The following LPP variants were observed in gnomAD, a reference collection of about 807,000 sequenced individuals.
LPP encodes the protein LIM domain containing preferred translocation partner in lipoma, also known as lipoma-preferred partner.
A neutral mutation model predicts 60.4 loss-of-function variants in LPP; 38 were observed. The observed-to-expected ratio is 0.63, with a 90% CI of 0.49 to 0.83. The LOEUF is 0.83. LPP is among the 40% of genes least tolerant of loss of function. The pLI, the probability that LPP is intolerant of heterozygous loss-of-function variation, is 0.00. For synonymous variants in LPP, 328 were observed against 290.8 expected (o/e 1.13, Z -1.30); for missense variants, 902 against 783.6 (o/e 1.15, Z -1.80).
At chr3:188,184,824 G>A (rs1726105791) in intron 1 of LPP, among the ~76,000 whole-genome samples, 2 of 152,046 alleles carry the variant, frequency 1.3e-5, no homozygotes, top group South Asian at 4.1e-4. Context: ...TAGCCTGAAG[G>A]AGATGTAGGT....
At chr3:188,722,982 T>A (rs1191985245) in intron 8 of LPP, among the ~76,000 whole-genome samples, 1 of 152,186 alleles carries the variant, frequency 6.6e-6, no homozygotes, top group African/African-American at 2.4e-5. Flanking sequence ...GATGTTCTGT[T>A]GTAATTGGAA....
chr3:188,473,102 T>A (rs1050135774), intron 4 of LPP, among the ~76,000 whole-genome samples: 2 of 152,192 alleles, frequency 1.3e-5, no homozygotes, highest in African/African-American at 4.8e-5. Context: ...AATGACTTAC[T>A]TTTTCCTTAA....
rs570848700 is a variant in LPP at position 188,528,941 on chromosome 3, T to A, written c.429+4154T>A. ...AAAACATTCAGAAGGTCAAAAAAAA[T>A]TAATTGTAATAGCCATTAAGTAGAA... On this transcript the variant is annotated intron_variant, in intron 6 of 11. Coordinates refer to ENST00000617246, the MANE Select transcript of LPP (RefSeq NM_001375462.1). Among the ~76,000 whole-genome samples the A allele has an allele frequency of 4.8e-4, 73 of 152,332 alleles. 1 individual carries two copies. Among genetic ancestry groups the A allele is most frequent in the Middle Eastern group, 3.4e-3 (1 of 294 alleles).
chr3:188,300,143 T>A lies in LPP; in HGVS notation c.-66-41520T>A, dbSNP rs1010570303. ...AGTCCATCATCCAGGGACATCATTGTTCTAATTTAAACATTTGGGTAATCT... is the reference window on the plus strand; with the variant it reads ...AGTCCATCATCCAGGGACATCATTGATCTAATTTAAACATTTGGGTAATCT... On this transcript the variant is annotated intron_variant, in intron 2 of 11. Transcript: ENST00000617246. 4.6e-5 allele frequency among the ~76,000 whole-genome samples: 7 copies of A among 152,204 alleles called. No homozygotes were observed. In the South Asian group the frequency reaches 1.4e-3, roughly 31 times the overall value.
At chr3:188,245,522 C>T (rs1726606958) in intron 2 of LPP, among the ~76,000 whole-genome samples, 1 of 152,166 alleles carries the variant, frequency 6.6e-6, no homozygotes, top group South Asian at 2.1e-4. Flanking sequence ...TTCATTCCAC[C>T]ACCTTTGCCT....
intron 8 of LPP, among the ~76,000 whole-genome samples, chr3:188,728,306 ACAAT>A (rs1719167291): frequency 6.6e-6 from 1 of 152,226 alleles, no homozygotes; most frequent in African/African-American, 2.4e-5. Flanking sequence ...ATGAAGAGTG[ACAAT>A]CACTTTCTAA....
intron 7 of LPP, among the ~76,000 whole-genome samples, chr3:188,699,348 C>G (rs1863914702): frequency 6.6e-6 from 1 of 152,158 alleles, no homozygotes; most frequent in Non-Finnish European, 1.5e-5. Flanking sequence ...ACTGGATGCC[C>G]AGGCCTTTTC....
At chr3:188,616,263 T>G (rs768304233) in intron 7 of LPP, among the ~76,000 whole-genome samples, 9 of 152,204 alleles carry the variant, frequency 5.9e-5, no homozygotes, top group Non-Finnish European at 8.8e-5. Context: ...AATTTTTGTA[T>G]AAGGTGTAAG....
intron 3 of LPP, among the ~76,000 whole-genome samples, chr3:188,401,238 G>T (rs952483876): frequency 6.6e-6 from 1 of 152,100 alleles, no homozygotes; most frequent in African/African-American, 2.4e-5. Context: ...AAAAGCTCTA[G>T]CTTCTTATCT....
At chr3:188,824,284 C>G (rs537953454) in intron 9 of LPP, among the ~76,000 whole-genome samples, 3 of 152,162 alleles carry the variant, frequency 2.0e-5, no homozygotes, top group Non-Finnish European at 4.4e-5. Flanking sequence ...AGAATGAAGA[C>G]ATGAGTATTG....
Position 188,352,048 on chromosome 3 carries a change from C to A in LPP, c.-10+10329C>A, listed in dbSNP as rs527345545. Reference sequence around the variant, plus strand: ...TCGACCTCAACGTGTATTATTTCCTCCCCCCTTGTCATTTTTCTTCTATTA... The same window carrying A: ...TCGACCTCAACGTGTATTATTTCCTACCCCCTTGTCATTTTTCTTCTATTA... On this transcript the variant is annotated intron_variant, in intron 3 of 11. Coordinates refer to ENST00000617246, the MANE Select transcript of LPP (RefSeq NM_001375462.1). This position sits in a 1 kb window ranked among gnomAD's most constrained non-coding sequence, Gnocchi z 4.4. Among the ~76,000 whole-genome samples the A allele has an allele frequency of 3.3e-5, 5 of 152,248 alleles. No individual in the cohort carries two copies. Among genetic ancestry groups the A allele is most frequent in the East Asian group, 1.9e-4 (1 of 5,180 alleles).
chr3:188,374,521 G>C (rs1314355954), intron 3 of LPP, among the ~76,000 whole-genome samples: 1 of 152,104 alleles, frequency 6.6e-6, no homozygotes. Context: ...TCTGTTATTG[G>C]TGTATAAGAA....
chr3:188,338,211 T>C (rs191011558), intron 2 of LPP, among the ~76,000 whole-genome samples: 12 of 152,336 alleles, frequency 7.9e-5, no homozygotes, highest in African/African-American at 2.9e-4. Flanking sequence ...ATTACTTTAA[T>C]GAGACAACCA....
At chr3:188,307,595 G>A (rs1045046686) in intron 2 of LPP, among the ~76,000 whole-genome samples, 6 of 152,108 alleles carry the variant, frequency 3.9e-5, no homozygotes, top group African/African-American at 1.4e-4. Context: ...TGTAAGCTCC[G>A]TGAGCGCCAG....
chr3:188,866,184 C>T lies in LPP; in HGVS notation c.1411-16C>T. 2 of 1,449,786 alleles carry T rather than the reference C, an allele frequency of 1.4e-6. No individual in the cohort carries two copies. Among genetic ancestry groups the T allele is most frequent in the Non-Finnish European group, 9.2e-7 (1 of 1,090,954 alleles). The allele number at this position is 1,449,786 out of a possible 1,614,324, so 89.8% of individuals were successfully genotyped here. A position where few individuals can be genotyped will look rare whatever the true frequency, so the allele number is the denominator to read the frequency against. Reference sequence around the variant, plus strand: ...CTTCTGTCCCAGTCTGACGTGGTTTCTGTTTCCTTCCCCAGAATACTCTGG... The same window carrying T: ...CTTCTGTCCCAGTCTGACGTGGTTTTTGTTTCCTTCCCCAGAATACTCTGG... On this transcript the variant is annotated splice_polypyrimidine_tract_variant and intron_variant, in intron 9 of 11. Coordinates refer to ENST00000617246, the MANE Select transcript of LPP (RefSeq NM_001375462.1).
intron 8 of LPP, among the ~76,000 whole-genome samples, chr3:188,738,843 GA>G (rs780034305): frequency 1.3e-5 from 2 of 152,094 alleles, no homozygotes; most frequent in Non-Finnish European, 2.9e-5. Flanking sequence ...CTTACTATGA[GA>G]ATATTAGCTG....
intron 9 of LPP, among the ~76,000 whole-genome samples, chr3:188,845,660 G>T (rs1560285950): frequency 6.6e-6 from 1 of 152,122 alleles, no homozygotes; most frequent in East Asian, 1.9e-4. Context: ...CCTTGACAAG[G>T]AGAACACTAT....
intron 7 of LPP, among the ~76,000 whole-genome samples, chr3:188,623,256 T>C (rs948815485): frequency 9.0e-6 from 1 of 111,012 alleles, no homozygotes; most frequent in African/African-American, 3.1e-5. Flanking sequence ...TCTATGAAGA[T>C]ACTTTTTTTT....
rs113777220 is a variant in LPP at position 188,613,261 on chromosome 3, C to T, written c.1113+3417C>T. Among the ~76,000 whole-genome samples the T allele has an allele frequency of 6.4e-3, 746 of 117,350 alleles. 12 individuals carry two copies. The highest frequency in any genetic ancestry group is 0.019 in the African/African-American group (616 of 32,958). The allele number at this position is 117,350 out of a possible 152,430, so 77.0% of individuals were successfully genotyped here. A position where few individuals can be genotyped will look rare whatever the true frequency, so the allele number is the denominator to read the frequency against. On this transcript the variant is annotated intron_variant, in intron 7 of 11. Transcript: ENST00000617246. ...TGCATTTTATATATCTATATCTATA[C>T]CTATATCTATATCTATATCTATATC... is the stretch of plus-strand genomic sequence containing the variant.
Sources: gnomAD v4.1 joint callset for allele counts (sites outside exome capture counted in the v4.1 genomes callset) on GRCh38, gnomAD v4.1.1 for gene constraint, Gnocchi (gnomAD v3.1) non-coding constraint, MANE v1.5 for transcripts, NCBI Gene and HGNC (gene_info 2026-07-23, HGNC 2026-07-21) for gene names.